The following KALRN variants were observed in gnomAD, a reference collection of about 807,000 sequenced individuals.
KALRN encodes the protein kalirin RhoGEF kinase, also known as kalirin.
Under a neutral mutation model 353.7 loss-of-function variants are expected in KALRN, and 70 were observed. The observed-to-expected ratio is 0.20, with a 90% CI of 0.16 to 0.24. The LOEUF (loss-of-function observed/expected upper bound fraction) is 0.24. Among genes scored for constraint, KALRN ranks in the 10% least tolerant of loss-of-function variants. The probability of loss-of-function intolerance (pLI) is 1.00; values close to 1 mark genes in which losing one functional copy is unlikely to be tolerated. For missense variants in KALRN, 2,791 were observed against 3,756.7 expected (o/e 0.74, Z 6.72); for synonymous variants, 1,391 against 1,434.8 (o/e 0.97, Z 0.69).
chr3:124,533,860 G>A (rs1414664231), intron 33 of KALRN, among the ~76,000 whole-genome samples: 4 of 152,166 alleles, frequency 2.6e-5, no homozygotes, highest in Admixed American at 2.6e-4. Context: ...AGTACAGTGT[G>A]AAAGGGAGGG....
At chr3:124,312,052 A>G (rs1580815659) in intron 6 of KALRN, among the ~76,000 whole-genome samples, 1 of 152,236 alleles carries the variant, frequency 6.6e-6, no homozygotes, top group East Asian at 1.9e-4. Context: ...TTTTGAGACA[A>G]TGAAAATGTT....
At chr3:124,195,340 T>C (rs772912326) in intron 1 of KALRN, among the ~76,000 whole-genome samples, 1 of 152,124 alleles carries the variant, frequency 6.6e-6, no homozygotes, top group Non-Finnish European at 1.5e-5. Context: ...GCTAAACTGA[T>C]AGGTTGCCAG....
intron 53 of KALRN, 96 bp downstream of exon 53, chr3:124,694,599 G>A: frequency 8.2e-7 from 1 of 1,221,288 alleles, no homozygotes; most frequent in South Asian, 1.4e-5. Flanking sequence ...CTGGTGACTG[G>A]GCTCTGCAAG....
At position 124,643,219 on chromosome 3, in the gene KALRN, C is replaced by A. The variant is rs569297421; in HGVS notation, c.5664+5916C>A. 1.1e-4 allele frequency among the ~76,000 whole-genome samples: 17 copies of A among 152,156 alleles called. 1 individual carries two copies. In the South Asian group the frequency reaches 3.5e-3, roughly 32 times the overall value. On this transcript the variant is annotated intron_variant, in intron 37 of 59. Transcript: ENST00000682506. ...GTGGAGGCAGGGTCTGACTTTGTTG[C>A]CCGGGCTGGTCTCAAATTCCTAGCC... is the stretch of plus-strand genomic sequence containing the variant.
At chr3:124,470,755 C>T (rs2060806563) in intron 25 of KALRN, among the ~76,000 whole-genome samples, 1 of 148,470 alleles carries the variant, frequency 6.7e-6, no homozygotes, top group African/African-American at 2.4e-5. Flanking sequence ...GGACCGCTAA[C>T]TAGAGTTTTC....
chr3:124,096,372 A>G (rs903133148), intron 1 of KALRN, among the ~76,000 whole-genome samples: 1 of 152,232 alleles, frequency 6.6e-6, no homozygotes, highest in Non-Finnish European at 1.5e-5. Flanking sequence ...AAGGCAGTTA[A>G]TTCTCACTCT....
At chr3:124,510,086 G>T (rs577083391) in intron 33 of KALRN, among the ~76,000 whole-genome samples, 1 of 152,190 alleles carries the variant, frequency 6.6e-6, no homozygotes, top group African/African-American at 2.4e-5. Flanking sequence ...TGAGGTCATC[G>T]CTTGTATTTC....
chr3:124,675,831 T>C (rs1024873871), intron 49 of KALRN, among the ~76,000 whole-genome samples: 6 of 152,258 alleles, frequency 3.9e-5, no homozygotes, highest in African/African-American at 1.4e-4. Flanking sequence ...GAAGACGTGG[T>C]GCAGGGGGCT....
At chr3:124,427,412 A>G (rs1485125060) in intron 15 of KALRN, among the ~76,000 whole-genome samples, 1 of 152,246 alleles carries the variant, frequency 6.6e-6, no homozygotes, top group Non-Finnish European at 1.5e-5. Flanking sequence ...ATCATCTACA[A>G]TAGTGGTCCT....
In KALRN at chr3:124,306,305, A is replaced by C. The variant is rs559391535; in HGVS notation, c.1092+7392A>C. On this transcript the variant is annotated intron_variant, in intron 6 of 59. Transcript: ENST00000682506. ...CTCAGGCTGAGAGGCTTATTTTTTTAAAGGAAATATGGAGCTGAAAAATAC... is the reference window on the plus strand; with the variant it reads ...CTCAGGCTGAGAGGCTTATTTTTTTCAAGGAAATATGGAGCTGAAAAATAC... Among the ~76,000 whole-genome samples the C allele has an allele frequency of 2.1e-3, 314 of 152,086 alleles. 1 individual carries two copies. Among genetic ancestry groups the C allele is most frequent in the African/African-American group, 7.1e-3 (293 of 41,492 alleles).
chr3:124,650,286 C>T (rs1056744967), intron 37 of KALRN, among the ~76,000 whole-genome samples: 8 of 152,148 alleles, frequency 5.3e-5, no homozygotes, highest in African/African-American at 1.2e-4. Flanking sequence ...GCTATTATCT[C>T]GGCCTATTCC....
intron 4 of KALRN, among the ~76,000 whole-genome samples, chr3:124,265,295 A>ATTTTTTTTTTTTTTTTTT (rs1465968614): frequency 3.3e-5 from 2 of 61,084 alleles, no homozygotes; most frequent in African/African-American, 6.4e-5. Flanking sequence ...TTAAGAAAAT[A>ATTTTTTTTTTTTTTTTTT]TTCTTTTTTT....
chr3:124,585,334 G>T (rs934378873), intron 34 of KALRN, among the ~76,000 whole-genome samples: 2 of 152,186 alleles, frequency 1.3e-5, no homozygotes, highest in Non-Finnish European at 2.9e-5. Context: ...CTGGCTACAG[G>T]AATGTGTTTG....
chr3:124,321,394 A>T (rs1316214801), intron 6 of KALRN, among the ~76,000 whole-genome samples: 1 of 152,264 alleles, frequency 6.6e-6, no homozygotes, highest in Non-Finnish European at 1.5e-5. Context: ...ATACCACATA[A>T]GAAATCACAA....
Position 124,092,119 on chromosome 3 carries a change from C to T in KALRN, c.73+58306C>T, listed in dbSNP as rs77217091. 8.1e-3 allele frequency among the ~76,000 whole-genome samples: 1,237 copies of T among 152,268 alleles called. 14 individuals are homozygous for T. Among genetic ancestry groups the T allele is most frequent in the African/African-American group, 0.028 (1,144 of 41,552 alleles). ...TTGCTTATGTTCTTAGGTCTGTTTG[C>T]GGGGGAAGTGCTTGCACCCATATTA... On this transcript the variant is annotated intron_variant, in intron 1 of 59. Coordinates refer to ENST00000682506, the MANE Select transcript of KALRN (RefSeq NM_001388419.1).
intron 6 of KALRN, among the ~76,000 whole-genome samples, chr3:124,325,489 G>A (rs1181963050): frequency 6.6e-6 from 1 of 152,264 alleles, no homozygotes; most frequent in East Asian, 1.9e-4. Flanking sequence ...TGGAATTACT[G>A]TGTCTCCTTT....
chr3:124,645,653 T>TG (rs1487146617), intron 37 of KALRN, among the ~76,000 whole-genome samples: 101 of 137,266 alleles, frequency 7.4e-4, no homozygotes, highest in African/African-American at 2.4e-3. Context: ...TCTCTCTCTC[T>TG]CTCTCTGTGC....
intron 34 of KALRN, among the ~76,000 whole-genome samples, chr3:124,625,842 AG>A (rs1425130061): frequency 1.3e-5 from 2 of 152,200 alleles, no homozygotes; most frequent in Non-Finnish European, 2.9e-5. Context: ...GCACTTTGGG[AG>A]GCTGAGGTGG....
intron 1 of KALRN, among the ~76,000 whole-genome samples, chr3:124,090,916 G>A (rs992498195): frequency 6.6e-6 from 1 of 152,196 alleles, no homozygotes; most frequent in Non-Finnish European, 1.5e-5. Flanking sequence ...GGGCCTCTTG[G>A]GAGGGTGGAC....
Sources: allele counts gnomAD v4.1 joint callset (sites outside exome capture counted in the v4.1 genomes callset), GRCh38; gene constraint gnomAD v4.1.1; transcripts MANE v1.5; gene names NCBI Gene and HGNC (gene_info 2026-07-23, HGNC 2026-07-21).